The following PPP2R5E variants were observed in gnomAD, a reference collection of about 807,000 sequenced individuals.
The protein encoded by PPP2R5E is protein phosphatase 2 regulatory subunit B'epsilon.
In PPP2R5E, 4 loss-of-function variants were observed where a neutral mutation model predicts 65.3. That is an observed-to-expected ratio of 0.06 (90% CI 0.03 to 0.14). The LOEUF (loss-of-function observed/expected upper bound fraction) is 0.14. PPP2R5E is among the 10% of genes least tolerant of loss of function. The probability of loss-of-function intolerance (pLI) is 1.00; values close to 1 mark genes in which losing one functional copy is unlikely to be tolerated. For missense variants in PPP2R5E, 274 were observed against 556.1 expected, an observed-to-expected ratio of 0.49 and a Z score of 5.10; for synonymous variants, 183 against 187.4, an observed-to-expected ratio of 0.98 and a Z score of 0.19.
At chr14:63,448,083 G>A (rs11626139) in intron 3 of PPP2R5E, among the ~76,000 whole-genome samples, 21,074 of 152,104 alleles carry the variant, frequency 0.14, 2,014 homozygotes, top group Non-Finnish European at 0.2. Context: ...GGATCACAAG[G>A]TCAGGAGATA....
chr14:63,493,519 A>C (rs1594938106), intron 2 of PPP2R5E, among the ~76,000 whole-genome samples: 1 of 142,484 alleles, frequency 7.0e-6, no homozygotes. Context: ...GGGGAGGGGG[A>C]GGGGAGCAAA....
chr14:63,471,659 G>A (rs1178190028), intron 2 of PPP2R5E, among the ~76,000 whole-genome samples: 1 of 152,068 alleles, frequency 6.6e-6, no homozygotes, highest in Admixed American at 6.6e-5. Context: ...TATAAAAATT[G>A]GCCCAAAGAT....
At chr14:63,399,034 C>T (rs961939288) in intron 5 of PPP2R5E, among the ~76,000 whole-genome samples, 9 of 152,174 alleles carry the variant, frequency 5.9e-5, no homozygotes, top group African/African-American at 1.4e-4. Context: ...CCAGCAGAAC[C>T]GAAAACACAT....
At chr14:63,541,132 G>A (rs1418069029) in intron 1 of PPP2R5E, among the ~76,000 whole-genome samples, 1 of 152,206 alleles carries the variant, frequency 6.6e-6, no homozygotes, top group African/African-American at 2.4e-5. Context: ...GATGTGCTAT[G>A]TTAGCTATGA....
intron 2 of PPP2R5E, among the ~76,000 whole-genome samples, chr14:63,464,023 A>G (rs1889647542): frequency 6.6e-6 from 1 of 152,222 alleles, no homozygotes; most frequent in Non-Finnish European, 1.5e-5. Flanking sequence ...TCTATAGCAA[A>G]ATAACCCGAA....
At chr14:63,507,808 G>A (rs1426343176) in intron 2 of PPP2R5E, among the ~76,000 whole-genome samples, 1 of 151,980 alleles carries the variant, frequency 6.6e-6, no homozygotes, top group African/African-American at 2.4e-5. Context: ...TCCATCTCCT[G>A]ACCTTGTGAT....
At chr14:63,541,414 G>T (rs947179764) in intron 1 of PPP2R5E, among the ~76,000 whole-genome samples, 2 of 152,144 alleles carry the variant, frequency 1.3e-5, no homozygotes, top group Non-Finnish European at 2.9e-5. Flanking sequence ...CAAACTTACG[G>T]AACTGAATAG....
rs886266651 is a variant in PPP2R5E at position 63,512,083 on chromosome 14, A to T, written c.157+27446T>A. Among the ~76,000 whole-genome samples, 179 of 145,822 alleles carry T rather than the reference A, an allele frequency of 1.2e-3. 6 individuals are homozygous for T. The highest frequency in any genetic ancestry group is 3.5e-3 in the Middle Eastern group (1 of 286). On this transcript the variant is annotated intron_variant, in intron 2 of 13. Coordinates refer to ENST00000337537, the MANE Select transcript of PPP2R5E (RefSeq NM_006246.5). ...GACAGAGCGAGACTCTGCGGTAAAA[A>T]AAAAAAAAAAAAAAAAAAAAAGAAT...
chr14:63,396,839 A>C, intron 5 of PPP2R5E, 123 bp from the exon 6 acceptor site: 1 of 1,197,438 alleles, frequency 8.4e-7, no homozygotes, highest in Non-Finnish European at 1.2e-6. Context: ...ATTATGTGCC[A>C]AGCACAGTGC....
intron 4 of PPP2R5E, among the ~76,000 whole-genome samples, chr14:63,418,910 A>G (rs1479197532): frequency 7.0e-6 from 1 of 141,920 alleles, no homozygotes. Flanking sequence ...GCAGTGGCGC[A>G]ATCTTGGCTC....
intron 2 of PPP2R5E, among the ~76,000 whole-genome samples, chr14:63,461,472 C>T (rs1195197679): frequency 2.6e-5 from 4 of 151,858 alleles, no homozygotes. Context: ...AAAGAACGAT[C>T]ATAGAATAAA....
chr14:63,467,890 C>T (rs1232596093), intron 2 of PPP2R5E, among the ~76,000 whole-genome samples: 1 of 152,168 alleles, frequency 6.6e-6, no homozygotes, highest in African/African-American at 2.4e-5. Flanking sequence ...AGTTAGACTG[C>T]CTGGAGTCCA....
At chr14:63,446,336 C>G (rs149785604) in intron 3 of PPP2R5E, among the ~76,000 whole-genome samples, 1 of 152,264 alleles carries the variant, frequency 6.6e-6, no homozygotes, top group Non-Finnish European at 1.5e-5. Flanking sequence ...TCCTGTGAAT[C>G]ACAAATGTTC....
At chr14:63,456,661 G>A (rs1889143332) in intron 2 of PPP2R5E, among the ~76,000 whole-genome samples, 1 of 152,214 alleles carries the variant, frequency 6.6e-6, no homozygotes, top group African/African-American at 2.4e-5. Context: ...TTAATAAGCA[G>A]TGGAGACAGG....
intron 13 of PPP2R5E, among the ~76,000 whole-genome samples, chr14:63,376,886 G>C (rs1884015337): frequency 6.6e-6 from 1 of 152,148 alleles, no homozygotes; most frequent in South Asian, 2.1e-4. Context: ...AGCAGACCCA[G>C]GCTGGGCGCA....
At chr14:63,500,513 T>G (rs1020929938) in intron 2 of PPP2R5E, among the ~76,000 whole-genome samples, 1 of 152,238 alleles carries the variant, frequency 6.6e-6, no homozygotes, top group Non-Finnish European at 1.5e-5. Flanking sequence ...CTTGTATGGT[T>G]AACTGGTAAT....
chr14:63,434,717 C>G (rs755649033), intron 3 of PPP2R5E, among the ~76,000 whole-genome samples: 8 of 152,194 alleles, frequency 5.3e-5, no homozygotes, highest in Admixed American at 4.6e-4. Context: ...ATTTATCTCT[C>G]AAAGAGAATT....
intron 2 of PPP2R5E, among the ~76,000 whole-genome samples, chr14:63,535,600 T>C (rs186763652): frequency 6.8e-5 from 10 of 147,996 alleles, no homozygotes; most frequent in Admixed American, 3.3e-4. Flanking sequence ...TATTAATGCA[T>C]ATCTGAGCAT....
In PPP2R5E at chr14:63,536,079, A is replaced by C. The variant is rs576298510; in HGVS notation, c.157+3450T>G. ...CCCAGAATGTGCTTACTACATAACAATCACTGTTAGTCACTCTGGAATTAG... is the reference window on the plus strand; with the variant it reads ...CCCAGAATGTGCTTACTACATAACACTCACTGTTAGTCACTCTGGAATTAG... On this transcript the variant is annotated intron_variant, in intron 2 of 13. Transcript: ENST00000337537. Among the ~76,000 whole-genome samples the C allele has an allele frequency of 3.9e-5, 6 of 152,344 alleles. No homozygotes were observed. In the East Asian group the frequency reaches 9.6e-4, roughly 24 times the overall value.
Sources: gnomAD v4.1 joint callset for allele counts (sites outside exome capture counted in the v4.1 genomes callset) on GRCh38, gnomAD v4.1.1 for gene constraint, MANE v1.5 for transcripts, NCBI Gene and HGNC (gene_info 2026-07-23, HGNC 2026-07-21) for gene names.